RPS6KC1: variants seen among roughly 807,000 people sequenced by gnomAD.
RPS6KC1 encodes ribosomal protein S6 kinase C1.
In RPS6KC1, 54 loss-of-function variants were observed where a neutral mutation model predicts 103.8. That is an observed-to-expected ratio of 0.52 (90% confidence interval 0.42 to 0.65). The LOEUF (loss-of-function observed/expected upper bound fraction) is 0.65, where lower values mean the gene tolerates loss of function less well. RPS6KC1 is among the 30% of genes least tolerant of loss of function. The probability of loss-of-function intolerance (pLI) is 0.00; values close to 1 mark genes in which losing one functional copy is unlikely to be tolerated. For synonymous variants in RPS6KC1, 439 were observed against 438.7 expected, an observed-to-expected ratio of 1.00 and a Z score of -0.01; for missense variants, 1,151 against 1,253.8, an observed-to-expected ratio of 0.92 and a Z score of 1.24.
intron 8 of RPS6KC1, among the ~76,000 whole-genome samples, chr1:213,191,849 G>A (rs926772617): frequency 3.3e-5 from 5 of 151,632 alleles, no homozygotes; most frequent in Admixed American, 1.3e-4. Context: ...TTGCTCTGTC[G>A]CTCGGCTGGA....
the RPS6KC1 span, among the ~76,000 whole-genome samples, chr1:213,297,909 G>T: frequency 6.6e-6 from 1 of 152,196 alleles, no homozygotes; most frequent in African/African-American, 2.4e-5. Flanking sequence ...AAGCTACCAT[G>T]CAGGGCCCTA....
At chr1:213,844,955 C>T in the RPS6KC1 span, among the ~76,000 whole-genome samples, 1 of 152,058 alleles carries the variant, frequency 6.6e-6, no homozygotes, top group South Asian at 2.1e-4. Flanking sequence ...CCAGCACCCC[C>T]ACATTACGGG....
At chr1:213,571,467 G>A in the RPS6KC1 span, among the ~76,000 whole-genome samples, 1 of 152,162 alleles carries the variant, frequency 6.6e-6, no homozygotes, top group Admixed American at 6.5e-5. Flanking sequence ...ATAGGGCAGA[G>A]TTTTCTGGGT....
intron 3 of RPS6KC1, 47 bp downstream of exon 3, chr1:213,077,863 G>A (rs1388302317): frequency 4.4e-6 from 5 of 1,145,468 alleles, no homozygotes; most frequent in East Asian, 2.8e-5. Flanking sequence ...AATTAATTTT[G>A]TATATATACT....
chr1:213,216,700 A>C (rs1055246549), intron 8 of RPS6KC1, among the ~76,000 whole-genome samples: 29 of 152,250 alleles, frequency 1.9e-4, no homozygotes, highest in African/African-American at 7.0e-4. Flanking sequence ...TCAAGCTAGA[A>C]CTCAGGATTA....
At chr1:213,196,629 T>G (rs1461936908) in intron 8 of RPS6KC1, among the ~76,000 whole-genome samples, 1 of 152,178 alleles carries the variant, frequency 6.6e-6, no homozygotes, top group Non-Finnish European at 1.5e-5. Context: ...TAGATTTAAG[T>G]CTTTGATGCA....
the RPS6KC1 span, among the ~76,000 whole-genome samples, chr1:213,397,720 A>G: frequency 5.3e-5 from 8 of 152,272 alleles, no homozygotes; most frequent in East Asian, 1.2e-3. Flanking sequence ...AAGAAACCCA[A>G]AAGACATTTT....
At chr1:213,244,694 AC>A (rs2094425820) in intron 12 of RPS6KC1, among the ~76,000 whole-genome samples, 1 of 152,182 alleles carries the variant, frequency 6.6e-6, no homozygotes, top group African/African-American at 2.4e-5. Context: ...ATACTGAAAT[AC>A]CGAATTTAAT....
chr1:213,134,358 A>T, intron 6 of RPS6KC1, among the ~76,000 whole-genome samples: 7 of 140,906 alleles, frequency 5.0e-5, no homozygotes, highest in Admixed American at 1.5e-4. Flanking sequence ...CTTCCCTTTT[A>T]CCTCCTTTCC....
chr1:213,404,202 A>G, the RPS6KC1 span, among the ~76,000 whole-genome samples: 5 of 152,256 alleles, frequency 3.3e-5, no homozygotes, highest in Admixed American at 3.3e-4. Context: ...TCAGTCAGGT[A>G]TTGGCCGTGG....
the RPS6KC1 span, among the ~76,000 whole-genome samples, chr1:213,544,260 G>A: frequency 3.3e-5 from 5 of 152,154 alleles, no homozygotes; most frequent in Non-Finnish European, 7.3e-5. Context: ...GGTAGGGAGA[G>A]GGCAGGGTGG....
chr1:213,631,660 C>T, the RPS6KC1 span, among the ~76,000 whole-genome samples: 1 of 152,060 alleles, frequency 6.6e-6, no homozygotes, highest in Non-Finnish European at 1.5e-5. Context: ...TTTAATCTTC[C>T]ACCAGTAGCC....
chr1:213,437,327 A>G, the RPS6KC1 span, among the ~76,000 whole-genome samples: 1 of 152,088 alleles, frequency 6.6e-6, no homozygotes, highest in African/African-American at 2.4e-5. Context: ...CTGATGTTCA[A>G]ATTCTAAATT....
the RPS6KC1 span, among the ~76,000 whole-genome samples, chr1:213,513,162 T>C: frequency 2.3e-4 from 35 of 151,782 alleles, no homozygotes; most frequent in East Asian, 1.2e-3. Context: ...CTCCATGCTG[T>C]TGCTGACTTT....
the RPS6KC1 span, among the ~76,000 whole-genome samples, chr1:213,659,682 G>T: frequency 6.7e-6 from 1 of 149,770 alleles, no homozygotes; most frequent in South Asian, 2.1e-4. Context: ...TTCAAGTTTC[G>T]ATTTCTTACA....
At chr1:213,474,677 T>C in the RPS6KC1 span, among the ~76,000 whole-genome samples, 2 of 152,306 alleles carry the variant, frequency 1.3e-5, no homozygotes, top group African/African-American at 4.8e-5. Flanking sequence ...GCAAATTACT[T>C]TGGAAAATGC....
intron 8 of RPS6KC1, among the ~76,000 whole-genome samples, chr1:213,201,639 T>G (rs1418040603): frequency 6.6e-6 from 1 of 152,230 alleles, no homozygotes; most frequent in Non-Finnish European, 1.5e-5. Flanking sequence ...CATGTGCCAC[T>G]CTGGTACAGA....
chr1:213,152,330 GA>G, intron 6 of RPS6KC1, among the ~76,000 whole-genome samples: 1 of 139,912 alleles, frequency 7.1e-6, no homozygotes, highest in Non-Finnish European at 1.6e-5. Flanking sequence ...GCAGGGGGCT[GA>G]CCCCCCCCAC....
the RPS6KC1 span, among the ~76,000 whole-genome samples, chr1:213,620,212 G>A: frequency 2.0e-5 from 3 of 152,160 alleles, no homozygotes; most frequent in East Asian, 1.9e-4. Flanking sequence ...ATATTTCCCC[G>A]ATATTATGGG....
Sources: allele counts gnomAD v4.1 joint callset (sites outside exome capture counted in the v4.1 genomes callset), GRCh38; gene constraint gnomAD v4.1.1; transcripts MANE v1.5; gene names NCBI Gene and HGNC (gene_info 2026-07-23, HGNC 2026-07-21).